The following DNAH12 variants were observed in gnomAD, a reference collection of about 807,000 sequenced individuals.
DNAH12 encodes dynein axonemal heavy chain 12, also known as axonemal beta dynein heavy chain 12.
Under a neutral mutation model 371.5 loss-of-function variants are expected in DNAH12, and 285 were observed. That is an observed-to-expected ratio of 0.77 (90% confidence interval 0.70 to 0.85). The LOEUF (loss-of-function observed/expected upper bound fraction) is 0.85, where lower values mean the gene tolerates loss of function less well. DNAH12 is among the 40% of genes least tolerant of loss of function. The pLI, the probability that DNAH12 is intolerant of heterozygous loss-of-function variation, is 0.00. For missense variants in DNAH12, 3,611 were observed against 3,689.4 expected (o/e 0.98, Z 0.55); for synonymous variants, 1,200 against 1,213.0 (o/e 0.99, Z 0.22).
intron 2 of DNAH12, among the ~76,000 whole-genome samples, chr3:57,528,924 C>G (rs1159248978): frequency 1.3e-5 from 2 of 151,584 alleles, no homozygotes; most frequent in African/African-American, 4.8e-5. Flanking sequence ...TCTTAGCCTC[C>G]TGAGTAGCTG....
chr3:57,479,065 C>T (rs1179049417), intron 13 of DNAH12, among the ~76,000 whole-genome samples: 2 of 152,160 alleles, frequency 1.3e-5, no homozygotes, highest in African/African-American at 2.4e-5. Context: ...AACAAATTCA[C>T]ACATAACAAT....
chr3:57,404,692 T>C (rs372449259), intron 42 of DNAH12, among the ~76,000 whole-genome samples: 1 of 151,876 alleles, frequency 6.6e-6, no homozygotes, highest in Admixed American at 6.6e-5. Flanking sequence ...TGCACTCCAA[T>C]CTGGGCAACA....
chr3:57,517,371 T>C (rs1305051284), intron 4 of DNAH12, among the ~76,000 whole-genome samples: 1 of 152,158 alleles, frequency 6.6e-6, no homozygotes, highest in East Asian at 1.9e-4. Flanking sequence ...CAAGTATGCA[T>C]AGATATTTGT....
intron 37 of DNAH12, among the ~76,000 whole-genome samples, chr3:57,418,143 G>A (rs932139680): frequency 2.0e-5 from 3 of 146,972 alleles, no homozygotes; most frequent in Admixed American, 6.9e-5. Context: ...GAGACAGAGC[G>A]CAAGCGACTT....
At chr3:57,407,416 T>A (rs575591825) in intron 40 of DNAH12, among the ~76,000 whole-genome samples, 142 of 152,268 alleles carry the variant, frequency 9.3e-4, no homozygotes, top group African/African-American at 2.4e-3. Flanking sequence ...TAGAAGCACT[T>A]TTCTGTATCA....
rs567978530 is a variant in DNAH12, at chr3:57,529,080, G to A, written c.171-5196C>T. ...CTCCCACAGTGCTGGGATTACAGGC[G>A]TGAGCCATCGCGCCTGGCCGATGAA... On this transcript the variant is annotated intron_variant, in intron 2 of 73. Coordinates refer to ENST00000495027, the MANE Select transcript of DNAH12 (RefSeq NM_001366028.2). Among the ~76,000 whole-genome samples the A allele has an allele frequency of 3.2e-4, 48 of 152,270 alleles. No individual in the cohort carries two copies. The South Asian group carries it at 8.7e-3, about 28-fold the overall frequency.
chr3:57,417,835 C>G lies in DNAH12; in HGVS notation c.5714+1532G>C, dbSNP rs561787543. On this transcript the variant is annotated intron_variant, in intron 37 of 73. Transcript: ENST00000495027. ...ATGGCCCAAATATGTTCAATATTTTCATAAATGTATTTCGATATAAAAAGA... is the reference window on the plus strand; with the variant it reads ...ATGGCCCAAATATGTTCAATATTTTGATAAATGTATTTCGATATAAAAAGA... Among the ~76,000 whole-genome samples the G allele has an allele frequency of 6.6e-5, 10 of 152,096 alleles. No individual in the cohort carries two copies. The South Asian group carries it at 1.9e-3, about 28-fold the overall frequency.
chr3:57,331,263 C>A (rs1393738560), intron 62 of DNAH12, among the ~76,000 whole-genome samples: 3 of 152,168 alleles, frequency 2.0e-5, no homozygotes, highest in Non-Finnish European at 4.4e-5. Flanking sequence ...GAAACAATAT[C>A]TCTACTGCCC....
intron 2 of DNAH12, among the ~76,000 whole-genome samples, chr3:57,532,848 G>A (rs561150865): frequency 6.6e-6 from 1 of 152,254 alleles, no homozygotes; most frequent in East Asian, 1.9e-4. Context: ...TACCACCTAT[G>A]TTCACTCAAA....
intron 32 of DNAH12, 137 bp downstream of exon 32, chr3:57,433,230 G>A: frequency 9.2e-7 from 1 of 1,081,844 alleles, no homozygotes. Context: ...ATTGAAAAGA[G>A]AATTTATAAA....
At chr3:57,457,224 A>T (rs1280114083) in intron 22 of DNAH12, among the ~76,000 whole-genome samples, 1 of 152,192 alleles carries the variant, frequency 6.6e-6, no homozygotes. Context: ...ATTGCATTTA[A>T]AATAAAATGC....
intron 34 of DNAH12, among the ~76,000 whole-genome samples, chr3:57,426,744 G>C (rs1301288486): frequency 6.6e-6 from 1 of 151,580 alleles, no homozygotes; most frequent in Admixed American, 6.6e-5. Flanking sequence ...AGCTACCTGG[G>C]AGGCTGAGGC....
chr3:57,498,881 C>A (rs2067408405), intron 11 of DNAH12, among the ~76,000 whole-genome samples: 1 of 151,968 alleles, frequency 6.6e-6, no homozygotes, highest in Non-Finnish European at 1.5e-5. Flanking sequence ...TGCCTGTAAT[C>A]CCAGCTACTC....
chr3:57,302,897 A>G (rs2107658561), intron 69 of DNAH12, among the ~76,000 whole-genome samples: 1 of 151,802 alleles, frequency 6.6e-6, no homozygotes, highest in Non-Finnish European at 1.5e-5. Context: ...AAATGACAAA[A>G]GATGTGACTA....
intron 59 of DNAH12, among the ~76,000 whole-genome samples, chr3:57,354,138 G>A (rs910025198): frequency 5.9e-5 from 9 of 152,104 alleles, no homozygotes; most frequent in Non-Finnish European, 1.3e-4. Flanking sequence ...GTCAATCGTA[G>A]ACTAGATAAA....
intron 60 of DNAH12, among the ~76,000 whole-genome samples, chr3:57,343,630 C>T (rs185764498): frequency 6.6e-4 from 100 of 152,286 alleles, no homozygotes; most frequent in African/African-American, 2.2e-3. Context: ...AGCCCGACAC[C>T]TGTAAAGGGT....
chr3:57,441,687 G>A lies in DNAH12; in HGVS notation c.4545+3010C>T, dbSNP rs553509488. 3.3e-5 allele frequency among the ~76,000 whole-genome samples: 5 copies of A among 152,044 alleles called. No homozygotes were observed. In the South Asian group the frequency reaches 6.2e-4, roughly 19 times the overall value. Reference sequence around the variant, plus strand: ...CGCGCCCATAATCCCAGCTACTTGGGAGGCTGAGATGGGAGGATTGCTTGA... The same window carrying A: ...CGCGCCCATAATCCCAGCTACTTGGAAGGCTGAGATGGGAGGATTGCTTGA... On this transcript the variant is annotated intron_variant, in intron 29 of 73. Coordinates refer to ENST00000495027, the MANE Select transcript of DNAH12 (RefSeq NM_001366028.2).
intron 49 of DNAH12, 121 bp from the exon 50 acceptor site, chr3:57,382,514 G>GTTTTTTTT (rs36129650): frequency 4.0e-5 from 6 of 148,746 alleles, no homozygotes; most frequent in Non-Finnish European, 7.4e-5. Flanking sequence ...TGAAATCAAA[G>GTTTTTTTT]TTTTTTTTTT....
At chr3:57,372,636 A>G (rs989508887) in intron 55 of DNAH12, among the ~76,000 whole-genome samples, 2,029 of 152,240 alleles carry the variant, frequency 0.013, 28 homozygotes, top group Admixed American at 0.03. Context: ...TTATTTGAAG[A>G]TATTCAGTAA....
Sources: allele counts gnomAD v4.1 joint callset (sites outside exome capture counted in the v4.1 genomes callset), GRCh38; gene constraint gnomAD v4.1.1; transcripts MANE v1.5; gene names NCBI Gene and HGNC (gene_info 2026-07-23, HGNC 2026-07-21).